MMS22L: variants seen among roughly 807,000 people sequenced by gnomAD.
MMS22L encodes the protein protein MMS22-like.
Under a neutral mutation model 159.1 loss-of-function variants are expected in MMS22L, and 74 were observed. The ratio of observed to expected loss-of-function variants is 0.47; its 90% CI spans 0.39 to 0.56. The LOEUF (loss-of-function observed/expected upper bound fraction) is 0.56. Ranked by LOEUF, MMS22L falls within the 20% of genes least tolerant of loss-of-function variation. MMS22L has a pLI of 0.00. For missense variants in MMS22L, 1,351 were observed against 1,422.1 expected, an observed-to-expected ratio of 0.95 and a Z score of 0.80; for synonymous variants, 517 against 506.9, an observed-to-expected ratio of 1.02 and a Z score of -0.27.
In MMS22L at chr6:97,153,488, C is replaced by T. The variant is rs1801536602; in HGVS notation, c.3386-1621G>A. Among the ~76,000 whole-genome samples, 3 of 150,510 alleles carry T rather than the reference C, an allele frequency of 2.0e-5. No homozygotes were observed. In the South Asian group the frequency reaches 6.4e-4, roughly 32 times the overall value. ...CCGGGTTCAAGCAATTCTCCTGCCTCAGCCTCCCGAGTAACTGGGATTACA... is the reference window on the plus strand; with the variant it reads ...CCGGGTTCAAGCAATTCTCCTGCCTTAGCCTCCCGAGTAACTGGGATTACA... On this transcript the variant is annotated intron_variant, in intron 22 of 24. Transcript: ENST00000683635.
At chr6:97,210,168 C>T (rs1808224071) in intron 14 of MMS22L, among the ~76,000 whole-genome samples, 1 of 151,790 alleles carries the variant, frequency 6.6e-6, no homozygotes, top group African/African-American at 2.4e-5. Context: ...CAACCTTTTG[C>T]TTTTTCCTAA....
At chr6:97,147,888 G>GTCATGTC (rs1286272885) in intron 24 of MMS22L, among the ~76,000 whole-genome samples, 1 of 152,060 alleles carries the variant, frequency 6.6e-6, no homozygotes, top group Non-Finnish European at 1.5e-5. Context: ...AATCAACATA[G>GTCATGTC]TCATGTCTTC....
chr6:97,194,256 T>C (rs1806227158), intron 14 of MMS22L, among the ~76,000 whole-genome samples: 2 of 150,144 alleles, frequency 1.3e-5, no homozygotes, highest in African/African-American at 2.5e-5. Context: ...CGGGGTTTCA[T>C]CATGTTGGCC....
intron 14 of MMS22L, among the ~76,000 whole-genome samples, chr6:97,197,916 C>G (rs1806712776): frequency 6.6e-6 from 1 of 152,268 alleles, no homozygotes; most frequent in Non-Finnish European, 1.5e-5. Context: ...CTCCCCCACC[C>G]TGCATCTCTA....
chr6:97,258,168 A>G (rs886916891), intron 9 of MMS22L, among the ~76,000 whole-genome samples: 1 of 152,218 alleles, frequency 6.6e-6, no homozygotes, highest in Non-Finnish European at 1.5e-5. Flanking sequence ...GTATCAAAAC[A>G]GTATTTGTCA....
Position 97,254,737 on chromosome 6 carries a change from T to C in MMS22L, c.943-4A>G, listed in dbSNP as rs769235382. ...TATTCAACCAGTTCCAAAATGACTA[T>C]AGAAACAGAAGTAATTTGATTCCAT... On this transcript the variant is annotated splice_region_variant and splice_polypyrimidine_tract_variant and intron_variant, in intron 9 of 24. Coordinates refer to ENST00000683635, the MANE Select transcript of MMS22L (RefSeq NM_001350599.2). 1.5e-5 allele frequency: 24 copies of C among 1,583,270 alleles called. No individual in the cohort carries two copies. Among genetic ancestry groups the C allele is most frequent in the Middle Eastern group, 3.4e-4 (2 of 5,926 alleles).
chr6:97,270,948 C>T (rs890588831), intron 6 of MMS22L: 4 of 151,760 alleles, frequency 2.6e-5, no homozygotes, highest in Admixed American at 2.0e-4. Context: ...AAACAAAAAA[C>T]GGAAAAATAT....
At chr6:97,240,025 C>A (rs1377864822) in intron 11 of MMS22L, among the ~76,000 whole-genome samples, 1 of 152,212 alleles carries the variant, frequency 6.6e-6, no homozygotes, top group African/African-American at 2.4e-5. Context: ...TGGACTCTTT[C>A]ACCACTGTCA....
intron 14 of MMS22L, among the ~76,000 whole-genome samples, chr6:97,203,232 G>C (rs963122036): frequency 1.3e-5 from 2 of 152,096 alleles, no homozygotes; most frequent in African/African-American, 4.8e-5. Flanking sequence ...TCCCTTCTAG[G>C]GTTAACAGAT....
chr6:97,263,612 G>A, intron 8 of MMS22L, 164 bp from the exon 9 acceptor site: 1 of 416,416 alleles, frequency 2.4e-6, no homozygotes. Context: ...TAACTTTTAA[G>A]ACAAATTTCC....
At chr6:97,192,168 G>A (rs1484816353) in intron 14 of MMS22L, among the ~76,000 whole-genome samples, 4 of 26,402 alleles carry the variant, frequency 1.5e-4, no homozygotes, top group Non-Finnish European at 7.1e-5. Context: ...GGTGGTAGAC[G>A]GATGGATGGA....
At chr6:97,254,758 TC>T (rs1480403842) in intron 9 of MMS22L, 25 bp from the exon 10 acceptor site, 2 of 1,559,236 alleles carry the variant, frequency 1.3e-6, no homozygotes, top group African/African-American at 2.7e-5. Flanking sequence ...GTAATTTGAT[TC>T]CATTAAGACA....
intron 9 of MMS22L, chr6:97,258,886 A>AT (rs1038193466): frequency 6.6e-6 from 1 of 152,200 alleles, no homozygotes; most frequent in Non-Finnish European, 1.5e-5. Flanking sequence ...TTTAAAATAC[A>AT]TTTAAGTTCA....
At chr6:97,150,650 G>A (rs188122540) in intron 23 of MMS22L, among the ~76,000 whole-genome samples, 5 of 152,142 alleles carry the variant, frequency 3.3e-5, no homozygotes, top group Admixed American at 3.3e-4. Flanking sequence ...TCCCCTCCTA[G>A]GGCTTCACAA....
chr6:97,206,978 C>A (rs1269824750), intron 14 of MMS22L, among the ~76,000 whole-genome samples: 1 of 151,934 alleles, frequency 6.6e-6, no homozygotes, highest in Non-Finnish European at 1.5e-5. Context: ...ATAACCTAAC[C>A]CTAAGTTAAA....
intron 11 of MMS22L, among the ~76,000 whole-genome samples, chr6:97,243,368 A>T (rs1437941339): frequency 2.6e-5 from 4 of 151,686 alleles, no homozygotes; most frequent in Non-Finnish European, 5.9e-5. Flanking sequence ...GTTTGATTCT[A>T]CTGTTGAAAC....
At chr6:97,250,801 C>T (rs757303050) in intron 10 of MMS22L, among the ~76,000 whole-genome samples, 1 of 152,032 alleles carries the variant, frequency 6.6e-6, no homozygotes, top group African/African-American at 2.4e-5. Flanking sequence ...ACTGAAACAT[C>T]GCCACACTGC....
At position 97,192,209 on chromosome 6, in the gene MMS22L, G is replaced by GAATGA. The variant is rs374801977; in HGVS notation, c.2040-5520_2040-5519insTCATT. Among the ~76,000 whole-genome samples the GAATGA allele has an allele frequency of 2.3e-4, 24 of 104,454 alleles. No individual in the cohort carries two copies. The East Asian group carries it at 3.2e-3, about 14-fold the overall frequency. The allele number at this position is 104,454 out of a possible 152,430, so 68.5% of individuals were successfully genotyped here. A position where few individuals can be genotyped will look rare whatever the true frequency, so the allele number is the denominator to read the frequency against. On this transcript the variant is annotated intron_variant, in intron 14 of 24. Transcript: ENST00000683635. ...GGATGGATGGATGGATGGATGGATG[G>GAATGA]ATGAATGAATGAATGAATATGTGAA... is the stretch of plus-strand genomic sequence containing the variant.
At chr6:97,156,742 T>G (rs993021985) in intron 22 of MMS22L, among the ~76,000 whole-genome samples, 5 of 152,158 alleles carry the variant, frequency 3.3e-5, no homozygotes, top group African/African-American at 1.2e-4. Flanking sequence ...TGAAGTCAGG[T>G]AGCGTGACAA....
Sources: allele counts gnomAD v4.1 joint callset (sites outside exome capture counted in the v4.1 genomes callset), GRCh38; gene constraint gnomAD v4.1.1; transcripts MANE v1.5; gene names NCBI Gene and HGNC (gene_info 2026-07-23, HGNC 2026-07-21).